The following SHKBP1 variants were observed in gnomAD, a reference collection of about 807,000 sequenced individuals.
SHKBP1 encodes SH3KBP1-binding protein 1.
Under a neutral mutation model 83.9 loss-of-function variants are expected in SHKBP1, and 71 were observed. The ratio of observed to expected loss-of-function variants is 0.85; its 90% CI spans 0.70 to 1.03. The LOEUF (loss-of-function observed/expected upper bound fraction) is 1.03. SHKBP1 is among the 50% of genes least tolerant of loss of function. The pLI is 0.00. For synonymous variants in SHKBP1, 371 were observed against 398.0 expected, an observed-to-expected ratio of 0.93 and a Z score of 0.81; for missense variants, 824 against 982.4, an observed-to-expected ratio of 0.84 and a Z score of 2.16.
intron 9 of SHKBP1, 21 bp from the exon 10 acceptor site, chr19:40,582,330 A>C (rs2081276427): frequency 6.2e-7 from 1 of 1,601,224 alleles, no homozygotes; most frequent in African/African-American, 1.3e-5. Flanking sequence ...GTTCCAGCTG[A>C]GCCCTTTTTG....
Position 40,590,147 on chromosome 19 carries a change from C to T in SHKBP1, c.1590-97C>T, listed in dbSNP as rs373945140. 4 of 1,331,956 alleles carry T rather than the reference C, an allele frequency of 3.0e-6. No homozygotes were observed. The highest frequency in any genetic ancestry group is 2.0e-6 in the Non-Finnish European group (2 of 992,872). The allele number at this position is 1,331,956 out of a possible 1,614,324, so 82.5% of individuals were successfully genotyped here. The stretch of plus-strand genomic sequence containing the variant: ...TAGGGATGGATAAAGATTGGGATGG[C>T]CCCTGGAGAGGCAGGAACTGCAGCC... On this transcript the variant is annotated intron_variant, in intron 15 of 17. Coordinates refer to ENST00000291842, the MANE Select transcript of SHKBP1 (RefSeq NM_138392.4). The surrounding 1 kb of genome is among the most constrained non-coding windows in gnomAD (Gnocchi z 4.6).
At chr19:40,587,812 A>G (rs548750532) in intron 13 of SHKBP1, among the ~76,000 whole-genome samples, 3 of 152,076 alleles carry the variant, frequency 2.0e-5, no homozygotes, top group Admixed American at 2.0e-4. Flanking sequence ...GCTGAGGTGG[A>G]GGGATCACTT....
Position 40,576,904 on chromosome 19 carries a change from C to A in SHKBP1, c.5C>A (p.Ala2Glu). 3 of 1,465,264 alleles carry A rather than the reference C, an allele frequency of 2.0e-6. No homozygotes were observed. The highest frequency in any genetic ancestry group is 2.7e-6 in the Non-Finnish European group (3 of 1,111,528). The allele number at this position is 1,465,264 out of a possible 1,614,324, so 90.8% of individuals were successfully genotyped here. A position where few individuals can be genotyped will look rare whatever the true frequency, so the allele number is the denominator to read the frequency against. ...CAGCCGGCTCGCCCGGGGGCCATGG[C>A]AGCAGCGGCTACTGCAGCCGAGGGG... M[A>E]AAATAAEGVP... The change falls in exon 1 of 18, where the codon GCA becomes GAA. Residue 2 changes from alanine (A) to glutamate (E), a missense_variant. Coordinates refer to ENST00000291842, the MANE Select transcript of SHKBP1 (RefSeq NM_138392.4).
intron 12 of SHKBP1, among the ~76,000 whole-genome samples, chr19:40,584,646 A>G (rs1434176047): frequency 2.0e-5 from 3 of 152,058 alleles, no homozygotes; most frequent in Non-Finnish European, 4.4e-5. Context: ...GTTTGAGACA[A>G]GGTCTCGCTC....
At position 40,589,183 on chromosome 19, in the gene SHKBP1, G is replaced by A. The variant is rs1735595734; in HGVS notation, c.1589+5G>A. On this transcript the variant is annotated splice_donor_5th_base_variant and intron_variant, in intron 15 of 17. Coordinates refer to ENST00000291842, the MANE Select transcript of SHKBP1 (RefSeq NM_138392.4). ...TCTCTCATCTACTGGGCAGCGGTGA[G>A]GACAGTCCTGTCCAACAGGGAGGGA... 8.5e-6 allele frequency: 5 copies of A among 590,954 alleles called. No individual in the cohort carries two copies. In the Admixed American group the frequency reaches 1.7e-4, roughly 20 times the overall value. The allele number at this position is 590,954 out of a possible 1,614,324, so 36.6% of individuals were successfully genotyped here.
intron 4 of SHKBP1, 113 bp downstream of exon 4, chr19:40,577,743 A>G: frequency 5.9e-6 from 8 of 1,356,600 alleles, no homozygotes; most frequent in Non-Finnish European, 7.3e-6. Flanking sequence ...CTCATTCAGA[A>G]CCTTGATCAC....
At chr19:40,577,365 G>A (rs1449577181) in intron 2 of SHKBP1, 31 bp from the exon 3 acceptor site, 3 of 1,614,048 alleles carry the variant, frequency 1.9e-6, no homozygotes, top group African/African-American at 1.3e-5. Flanking sequence ...CCCCCGGCCC[G>A]TGACGCCTGC....
rs2145986173 is a variant in SHKBP1, at chr19:40,583,614, C to T, written c.1062C>T (p.Phe354=). 1.4e-6 allele frequency: 2 copies of T among 1,456,012 alleles called. No homozygotes were observed. The highest frequency in any genetic ancestry group is 1.8e-4 in the Middle Eastern group (1 of 5,566). The allele number at this position is 1,456,012 out of a possible 1,614,324, so 90.2% of individuals were successfully genotyped here. The change falls in exon 12 of 18, where the codon TTC becomes TTT. Residue 354 remains phenylalanine, a synonymous_variant. Coordinates refer to ENST00000291842, the MANE Select transcript of SHKBP1 (RefSeq NM_138392.4). The part of the protein sequence containing the change: ...GSIYYVDVQK[F]PLRMKDNDLL... ...TGCCCACCCCAGATGTGCAGAAGTT[C>T]CCCTTGCGCATGAAAGACAACGACC...
chr19:40,583,368 C>G (rs11672651), intron 10 of SHKBP1, 30 bp from the exon 11 acceptor site: 1 of 1,532,326 alleles, frequency 6.5e-7, no homozygotes, highest in South Asian at 1.2e-5. Flanking sequence ...GAAGGGCTCC[C>G]GGCTGCAGCC....
chr19:40,580,531 G>T, intron 7 of SHKBP1, 35 bp from the exon 8 acceptor site: 1 of 1,614,148 alleles, frequency 6.2e-7, no homozygotes, highest in Non-Finnish European at 8.5e-7. Context: ...TGGGGTCCCT[G>T]TGACCCTCTT....
chr19:40,577,875 C>T, intron 4 of SHKBP1: 1 of 617,538 alleles, frequency 1.6e-6, no homozygotes, highest in Non-Finnish European at 2.8e-6. Context: ...GACCCCTTCT[C>T]TAAAAAAGCA....
chr19:40,586,377 T>C (rs1599845259), intron 12 of SHKBP1, among the ~76,000 whole-genome samples: 1 of 151,570 alleles, frequency 6.6e-6, no homozygotes, highest in Non-Finnish European at 1.5e-5. Context: ...CTTTCTTTTT[T>C]TTTTTTTGAG....
At chr19:40,588,842 C>T (rs1013639238) in intron 14 of SHKBP1, 63 bp downstream of exon 14, 72 of 1,580,876 alleles carry the variant, frequency 4.6e-5, no homozygotes, top group Admixed American at 1.1e-4. Context: ...TGTTGACCTC[C>T]GCTGATTCCC....
rs201537637 is a variant in SHKBP1 at position 40,590,404 on chromosome 19, G to A, written c.1750G>A (p.Gly584Ser). The change falls in exon 16 of 18, where the codon GGC becomes AGC. Residue 584 changes from glycine (G) to serine (S), a missense_variant. By Grantham distance (56) the Gly-to-Ser change is moderately conservative. Coordinates refer to ENST00000291842, the MANE Select transcript of SHKBP1 (RefSeq NM_138392.4). This position sits in a 1 kb window ranked among gnomAD's most constrained non-coding sequence, Gnocchi z 4.6. ...GTGGGACCTAACCACCGCCATGGACGGCCTCGGCCAGGCCCCTGGTACTCC... is the reference window on the plus strand; with the variant it reads ...GTGGGACCTAACCACCGCCATGGACAGCCTCGGCCAGGCCCCTGGTACTCC... ...AMWDLTTAMD[G>S]LGQAPAGGLT... The A allele has an allele frequency of 7.1e-5, 115 of 1,608,610 alleles. No individual in the cohort carries two copies. The highest frequency in any genetic ancestry group is 7.0e-4 in the Middle Eastern group (4 of 5,748).
intron 9 of SHKBP1, 36 bp from the exon 10 acceptor site, chr19:40,582,315 G>T (rs1438349564): frequency 3.2e-6 from 5 of 1,540,430 alleles, no homozygotes; most frequent in Non-Finnish European, 3.6e-6. Context: ...CCTCCATGAG[G>T]CAGGGTTCCA....
At position 40,590,556 on chromosome 19, in the gene SHKBP1, C is replaced by T; in HGVS notation, c.1768+134C>T. 1 of 1,269,754 alleles carries T rather than the reference C, an allele frequency of 7.9e-7. No homozygotes were observed. The highest frequency in any genetic ancestry group is 1.1e-6 in the Non-Finnish European group (1 of 914,566). The allele number at this position is 1,269,754 out of a possible 1,614,324, so 78.7% of individuals were successfully genotyped here. ...CTTTTCCTTTGACCCCCTCTCTGCTCCCCATCCCTTCCTGCCCTTGTTTTT... is the reference window on the plus strand; with the variant it reads ...CTTTTCCTTTGACCCCCTCTCTGCTTCCCATCCCTTCCTGCCCTTGTTTTT... On this transcript the variant is annotated intron_variant, in intron 16 of 17. Transcript: ENST00000291842. The surrounding 1 kb of genome is among the most constrained non-coding windows in gnomAD (Gnocchi z 4.6).
At chr19:40,589,262 C>T in intron 15 of SHKBP1, 84 bp downstream of exon 15, 1 of 1,373,526 alleles carries the variant, frequency 7.3e-7, no homozygotes, top group Non-Finnish European at 1.0e-6. Context: ...AGATGCTAGC[C>T]AGATCACTGA....
intron 9 of SHKBP1, among the ~76,000 whole-genome samples, chr19:40,581,852 G>A (rs765238979): frequency 4.0e-5 from 6 of 151,756 alleles, no homozygotes; most frequent in South Asian, 2.1e-4. Context: ...ATTCCAGACC[G>A]TTTTAGAATC....
intron 13 of SHKBP1, 69 bp from the exon 14 acceptor site, chr19:40,588,555 G>C: frequency 1.3e-6 from 2 of 1,592,606 alleles, no homozygotes; most frequent in Non-Finnish European, 1.7e-6. Context: ...CTGTCCTGAG[G>C]CTCTGGACGG....
Sources: gnomAD v4.1 joint callset for allele counts (sites outside exome capture counted in the v4.1 genomes callset) on GRCh38, gnomAD v4.1.1 for gene constraint, Gnocchi (gnomAD v3.1) non-coding constraint, MANE v1.5 for transcripts, NCBI Gene and HGNC (gene_info 2026-07-23, HGNC 2026-07-21) for gene names.